Variants in MED27 observed in about 807,000 individuals in gnomAD.
MED27 encodes mediator complex subunit 27.
A neutral mutation model predicts 38.2 loss-of-function variants in MED27; 30 were observed. The observed-to-expected ratio is 0.79, with a 90% CI of 0.59 to 1.07. MED27 has a LOEUF of 1.07. Ranked by LOEUF, MED27 falls within the 50% of genes least tolerant of loss-of-function variation. The probability of loss-of-function intolerance (pLI) is 0.00; values close to 1 mark genes in which losing one functional copy is unlikely to be tolerated. For missense variants in MED27, 289 were observed against 397.5 expected (o/e 0.73, Z 2.32); for synonymous variants, 122 against 153.5 (o/e 0.79, Z 1.52).
chr9:131,964,650 A>AC (rs1298652576), intron 3 of MED27, among the ~76,000 whole-genome samples: 2 of 152,148 alleles, frequency 1.3e-5, no homozygotes, highest in African/African-American at 4.8e-5. Flanking sequence ...TTGATACCTA[A>AC]CCCCCATCCT....
At chr9:131,950,635 G>C (rs571391812) in intron 3 of MED27, among the ~76,000 whole-genome samples, 30 of 152,278 alleles carry the variant, frequency 2.0e-4, no homozygotes, top group Non-Finnish European at 3.8e-4. Flanking sequence ...ATACATTAAA[G>C]CAAATGCACA....
chr9:131,948,920 A>C (rs1830935523), intron 3 of MED27, among the ~76,000 whole-genome samples: 1 of 152,200 alleles, frequency 6.6e-6, no homozygotes, highest in East Asian at 1.9e-4. Context: ...AGGCAAGCAA[A>C]TAAAAGCTAC....
chr9:131,922,202 T>G (rs1161748196), intron 4 of MED27, among the ~76,000 whole-genome samples: 1 of 151,480 alleles, frequency 6.6e-6, no homozygotes, highest in African/African-American at 2.4e-5. Flanking sequence ...ATAATAAAAA[T>G]AAAAATAAAA....
chr9:131,880,434 C>A (rs1051267430), intron 6 of MED27, among the ~76,000 whole-genome samples: 1 of 152,206 alleles, frequency 6.6e-6, no homozygotes, highest in African/African-American at 2.4e-5. Context: ...TCAGAAGGCA[C>A]TACCACCTCT....
intron 3 of MED27, among the ~76,000 whole-genome samples, chr9:131,961,838 G>A (rs1427957835): frequency 1.3e-5 from 2 of 152,166 alleles, no homozygotes; most frequent in African/African-American, 2.4e-5. Flanking sequence ...TATGTGCTGT[G>A]CACCCTTAGC....
intron 3 of MED27, among the ~76,000 whole-genome samples, chr9:131,957,241 T>C (rs1395295826): frequency 6.6e-6 from 1 of 151,928 alleles, no homozygotes; most frequent in Admixed American, 6.6e-5. Context: ...ACACAAATGC[T>C]CATAGCAGTT....
chr9:131,910,924 C>A (rs969163094), intron 4 of MED27, among the ~76,000 whole-genome samples: 6 of 152,102 alleles, frequency 3.9e-5, no homozygotes, highest in African/African-American at 1.4e-4. Context: ...CCCCCCACAA[C>A]CACCAGTTAC....
At position 132,079,824 on chromosome 9, in the gene MED27, G is replaced by A. The variant is rs1419101555; in HGVS notation, c.21C>T (p.Val7=). The A allele has an allele frequency of 6.2e-6, 10 of 1,603,582 alleles. No individual in the cohort carries two copies. Among genetic ancestry groups the A allele is most frequent in the East Asian group, 2.3e-5 (1 of 44,426 alleles). The change falls in exon 1 of 8, where the codon GTC becomes GTT. Residue 7 remains valine, a synonymous_variant. Transcript: ENST00000292035. MADVIN[V]SVNLEAFSQA... ...GGGAAAAGGCCTCCAGGTTCACACT[G>A]ACATTTATCACGTCCGCCATGTTGC...
intron 3 of MED27, among the ~76,000 whole-genome samples, chr9:131,966,383 C>CACAAAAAAAAAAAAAAAAAAAAAAA (rs1554761550): frequency 2.7e-5 from 1 of 36,776 alleles, no homozygotes; most frequent in East Asian, 9.2e-4. Flanking sequence ...GACCCTGTCA[C>CACAAAAAAAAAAAAAAAAAAAAAAA]AAAAAAAAAA....
chr9:132,031,619 C>T (rs1393406697), intron 2 of MED27, among the ~76,000 whole-genome samples: 2 of 152,048 alleles, frequency 1.3e-5, no homozygotes, highest in African/African-American at 2.4e-5. Flanking sequence ...CAGCCTGACC[C>T]CTCCTCTAAA....
intron 2 of MED27, among the ~76,000 whole-genome samples, chr9:132,036,618 G>C (rs1589280186): frequency 6.6e-6 from 1 of 152,176 alleles, no homozygotes; most frequent in Admixed American, 6.5e-5. Flanking sequence ...TGGATGATTT[G>C]GGCAAGTGAT....
chr9:131,868,871 C>T (rs1055014912), intron 6 of MED27: 1 of 985,376 alleles, frequency 1.0e-6, no homozygotes, highest in African/African-American at 1.7e-5. Flanking sequence ...TGCTGTAGCA[C>T]AGGCTGCTCA....
At chr9:131,886,621 G>A (rs1301614556) in intron 5 of MED27, among the ~76,000 whole-genome samples, 1 of 152,196 alleles carries the variant, frequency 6.6e-6, no homozygotes, top group Non-Finnish European at 1.5e-5. Flanking sequence ...TAATGTGACA[G>A]CTCAACAATT....
chr9:131,863,831 A>G (rs1019964269), intron 6 of MED27, among the ~76,000 whole-genome samples: 13 of 152,082 alleles, frequency 8.5e-5, no homozygotes, highest in Admixed American at 3.3e-4. Context: ...GTCTGTGCCT[A>G]TTGTCTCCTG....
At chr9:132,049,106 C>T (rs1833407264) in intron 2 of MED27, among the ~76,000 whole-genome samples, 1 of 152,178 alleles carries the variant, frequency 6.6e-6, no homozygotes, top group Admixed American at 6.5e-5. Flanking sequence ...GACGAAAGAG[C>T]ACACGGCCTG....
At chr9:131,948,819 G>A (rs1368431678) in intron 3 of MED27, among the ~76,000 whole-genome samples, 1 of 152,212 alleles carries the variant, frequency 6.6e-6, no homozygotes, top group African/African-American at 2.4e-5. Context: ...GGCAGCAGTA[G>A]ATGGGGAGCT....
At chr9:132,052,084 G>C (rs1250960643) in intron 2 of MED27, among the ~76,000 whole-genome samples, 1 of 152,174 alleles carries the variant, frequency 6.6e-6, no homozygotes, top group Non-Finnish European at 1.5e-5. Flanking sequence ...CAGCGGCATA[G>C]CTCTGACAAT....
chr9:131,956,906 AACAAGG>A (rs1451239599), intron 3 of MED27, among the ~76,000 whole-genome samples: 1 of 152,188 alleles, frequency 6.6e-6, no homozygotes, highest in Non-Finnish European at 1.5e-5. Context: ...CTTACTTTGT[AACAAGG>A]ACATGCCAAT....
intron 3 of MED27, among the ~76,000 whole-genome samples, chr9:131,969,601 A>AG (rs1314579094): frequency 1.3e-5 from 2 of 152,134 alleles, no homozygotes; most frequent in Non-Finnish European, 2.9e-5. Flanking sequence ...CATTTATACT[A>AG]GGCCGCTGCT....
Sources: allele counts gnomAD v4.1 joint callset (sites outside exome capture counted in the v4.1 genomes callset), GRCh38; gene constraint gnomAD v4.1.1; transcripts MANE v1.5; gene names NCBI Gene and HGNC (gene_info 2026-07-23, HGNC 2026-07-21).